Variants in BCL2 observed in about 807,000 individuals in gnomAD.
BCL2 encodes BCL2 apoptosis regulator, also known as apoptosis regulator Bcl-2.
A neutral mutation model predicts 14.2 loss-of-function variants in BCL2; 1 was observed. That is an observed-to-expected ratio of 0.07 (90% CI 0.02 to 0.33). The LOEUF (loss-of-function observed/expected upper bound fraction) is 0.33. BCL2 is among the 10% of genes least tolerant of loss of function. BCL2 has a pLI of 0.99. For missense variants in BCL2, 247 were observed against 305.9 expected (o/e 0.81, Z 1.44); for synonymous variants, 151 against 137.2 (o/e 1.10, Z -0.70).
At chr18:63,297,920 C>T (rs143322212) in intron 2 of BCL2, among the ~76,000 whole-genome samples, 139 of 152,298 alleles carry the variant, frequency 9.1e-4, no homozygotes, top group Non-Finnish European at 1.6e-3. Context: ...CAGATGAGCA[C>T]GTGTCCCTGG....
Position 63,254,176 on chromosome 18 carries a change from G to C in BCL2, c.585+63906C>G, listed in dbSNP as rs74843171. 7.8e-4 allele frequency among the ~76,000 whole-genome samples: 119 copies of C among 151,994 alleles called. 2 individuals carry two copies. In the East Asian group the frequency reaches 0.022, roughly 28 times the overall value. On this transcript the variant is annotated intron_variant, in intron 2 of 2. Transcript: ENST00000333681. ...TTGCTTCAGAGGTAAAGAGATGCCTGGTGGCTTTTCTGCTTTGTAACAATG... is the reference window on the plus strand; with the variant it reads ...TTGCTTCAGAGGTAAAGAGATGCCTCGTGGCTTTTCTGCTTTGTAACAATG...
intron 2 of BCL2, among the ~76,000 whole-genome samples, chr18:63,166,793 A>T (rs1234587561): frequency 6.6e-6 from 1 of 152,238 alleles, no homozygotes; most frequent in Non-Finnish European, 1.5e-5. Flanking sequence ...GAAATGATGC[A>T]TTCCTGACAA....
At chr18:63,133,566 G>C (rs1013399735) in intron 2 of BCL2, among the ~76,000 whole-genome samples, 1 of 152,088 alleles carries the variant, frequency 6.6e-6, no homozygotes, top group Admixed American at 6.5e-5. Context: ...GGGATTACAG[G>C]CATGAGCCAC....
intron 2 of BCL2, among the ~76,000 whole-genome samples, chr18:63,183,626 C>T (rs148782761): frequency 4.6e-5 from 7 of 152,224 alleles, no homozygotes; most frequent in East Asian, 1.9e-4. Flanking sequence ...CTGAAAAAGG[C>T]GACTGAAGAC....
At chr18:63,242,686 G>A (rs1383471775) in intron 2 of BCL2, among the ~76,000 whole-genome samples, 5 of 152,226 alleles carry the variant, frequency 3.3e-5, no homozygotes, top group South Asian at 2.1e-4. Flanking sequence ...CATTCTCACC[G>A]TTCTCCAGAA....
At chr18:63,289,650 C>A (rs557139787) in intron 2 of BCL2, among the ~76,000 whole-genome samples, 3 of 152,060 alleles carry the variant, frequency 2.0e-5, no homozygotes, top group Non-Finnish European at 4.4e-5. Flanking sequence ...CCCCAGCCCT[C>A]GAGGAGGCCA....
chr18:63,303,369 T>C (rs1003375478), intron 2 of BCL2, among the ~76,000 whole-genome samples: 1 of 152,224 alleles, frequency 6.6e-6, no homozygotes, highest in African/African-American at 2.4e-5. Context: ...AAAAAAAAAG[T>C]TGTTTCATTT....
chr18:63,173,116 C>T (rs1915266196), intron 2 of BCL2, among the ~76,000 whole-genome samples: 1 of 152,148 alleles, frequency 6.6e-6, no homozygotes, highest in African/African-American at 2.4e-5. Context: ...TTGTTTTATT[C>T]CAGAAAGAAA....
intron 2 of BCL2, among the ~76,000 whole-genome samples, chr18:63,177,698 CT>C (rs1915381283): frequency 2.0e-5 from 3 of 152,210 alleles, no homozygotes; most frequent in Admixed American, 6.5e-5. Context: ...GCAAATTGGA[CT>C]TTTCCCCTGA....
chr18:63,277,322 C>T (rs1034876640), intron 2 of BCL2, among the ~76,000 whole-genome samples: 21 of 152,280 alleles, frequency 1.4e-4, no homozygotes, highest in Admixed American at 6.5e-4. Context: ...GCACCAAGAA[C>T]AGTGCCTGAG....
intron 2 of BCL2, among the ~76,000 whole-genome samples, chr18:63,183,492 G>C (rs1442902918): frequency 2.0e-5 from 3 of 152,330 alleles, no homozygotes; most frequent in East Asian, 1.9e-4. Context: ...TTCCTCATGA[G>C]AGACAGCTGC....
In BCL2 at chr18:63,124,501, C is replaced by A. The variant is rs4987864; in HGVS notation, c.*4124G>T. On this transcript the variant is annotated 3_prime_UTR_variant, in exon 3 of 3. Coordinates refer to ENST00000333681, the MANE Select transcript of BCL2 (RefSeq NM_000633.3). ...TTCTTCGCAGAGGCATCACATCGACCCCAATACAGGTCCTTCATACCCTTA... is the reference window on the plus strand; with the variant it reads ...TTCTTCGCAGAGGCATCACATCGACACCAATACAGGTCCTTCATACCCTTA... 3,596 of 231,934 alleles carry A rather than the reference C, an allele frequency of 0.016. 133 individuals are homozygous for A. Among genetic ancestry groups the A allele is most frequent in the African/African-American group, 0.074 (3,351 of 45,280 alleles). 14.4% of individuals were successfully genotyped at this position (231,934 alleles called of 1,614,324 possible). A position where few individuals can be genotyped will look rare whatever the true frequency, so the allele number is the denominator to read the frequency against.
At chr18:63,152,302 C>A (rs1914670040) in intron 2 of BCL2, among the ~76,000 whole-genome samples, 1 of 152,212 alleles carries the variant, frequency 6.6e-6, no homozygotes, top group Non-Finnish European at 1.5e-5. Flanking sequence ...GAGCCTGCTT[C>A]CTTGGGGCTG....
Position 63,184,991 on chromosome 18 carries a change from C to T in BCL2, c.586-56232G>A, listed in dbSNP as rs539330315. On this transcript the variant is annotated intron_variant, in intron 2 of 2. Transcript: ENST00000333681. ...CTCCTTAGCGACACTGCCAACTTCA[C>T]AGCTGATAATCACTCCTGACCTGCT... Among the ~76,000 whole-genome samples the T allele has an allele frequency of 1.9e-4, 29 of 152,300 alleles. No homozygotes were observed. In the South Asian group the frequency reaches 3.3e-3, roughly 17 times the overall value.
chr18:63,175,523 T>G (rs1369335768), intron 2 of BCL2, among the ~76,000 whole-genome samples: 1 of 152,192 alleles, frequency 6.6e-6, no homozygotes, highest in Non-Finnish European at 1.5e-5. Context: ...TGTTAGTTCA[T>G]GTAAGGTCCC....
chr18:63,225,810 G>A (rs1039698856), intron 2 of BCL2, among the ~76,000 whole-genome samples: 1 of 152,196 alleles, frequency 6.6e-6, no homozygotes, highest in African/African-American at 2.4e-5. Context: ...CCCCACAGCA[G>A]CGTCTGGAGC....
At chr18:63,242,001 C>T (rs1911017122) in intron 2 of BCL2, among the ~76,000 whole-genome samples, 1 of 152,202 alleles carries the variant, frequency 6.6e-6, no homozygotes, top group African/African-American at 2.4e-5. Context: ...AAACAATGTA[C>T]CAATGAGCAC....
intron 2 of BCL2, among the ~76,000 whole-genome samples, chr18:63,171,556 A>G (rs8092884): frequency 0.29 from 44,787 of 152,242 alleles, 9,013 homozygotes; most frequent in African/African-American, 0.54. Flanking sequence ...GATTGATAAC[A>G]TCTAGTTATA....
chr18:63,291,230 C>A, intron 2 of BCL2, among the ~76,000 whole-genome samples: 1 of 152,148 alleles, frequency 6.6e-6, no homozygotes, highest in East Asian at 1.9e-4. Context: ...GATTTTCTTC[C>A]AATATCAAAT....
Sources: gnomAD v4.1 joint callset for allele counts (sites outside exome capture counted in the v4.1 genomes callset) on GRCh38, gnomAD v4.1.1 for gene constraint, MANE v1.5 for transcripts, NCBI Gene and HGNC (gene_info 2026-07-23, HGNC 2026-07-21) for gene names.